CPXM2: variants seen among roughly 807,000 people sequenced by gnomAD.
The protein encoded by CPXM2 is inactive carboxypeptidase-like protein X2.
CPXM2 carries 66 observed loss-of-function variants against 86.1 expected under a neutral mutation model. That is an observed-to-expected ratio of 0.77 (90% CI 0.63 to 0.94). CPXM2 has a LOEUF of 0.94. Among genes scored for constraint, CPXM2 ranks in the 40% least tolerant of loss-of-function variants. The pLI is 0.00. For synonymous variants in CPXM2, 388 were observed against 400.2 expected (o/e 0.97, Z 0.36); for missense variants, 948 against 1,026.3 (o/e 0.92, Z 1.04).
intron 2 of CPXM2, chr10:123,914,208 G>T (rs1945515509): frequency 2.5e-6 from 1 of 400,330 alleles, no homozygotes; most frequent in South Asian, 1.9e-5. Flanking sequence ...CTAACCATGA[G>T]TCTACTTCTT....
intron 11 of CPXM2, 144 bp downstream of exon 11, chr10:123,761,725 GGAA>G: frequency 1.4e-6 from 1 of 715,622 alleles, no homozygotes; most frequent in Admixed American, 2.8e-5. Flanking sequence ...GTTGTGCTTA[GGAA>G]AGTGCTGGCA....
chr10:123,757,348 C>G lies in CPXM2; in HGVS notation c.1782G>C (p.Leu594=). Residue 594 remains leucine, a synonymous_variant, in exon 12 of 14, where the codon CTG becomes CTC. Transcript: ENST00000241305. ...GASWHTVAGS[L]NDFSYLHTNC... is the part of the protein sequence containing the mutation. ...TTGTATGAAGGTAGCTGAAATCGTT[C>G]AGACCTGCCAAGCCAACCGGACAAC... The G allele has an allele frequency of 6.2e-7, 1 of 1,612,874 alleles. No homozygotes were observed. Among genetic ancestry groups the G allele is most frequent in the Non-Finnish European group, 8.5e-7 (1 of 1,178,948 alleles).
At chr10:123,811,682 A>G (rs1350386859) in intron 4 of CPXM2, among the ~76,000 whole-genome samples, 1 of 152,238 alleles carries the variant, frequency 6.6e-6, no homozygotes, top group Non-Finnish European at 1.5e-5. Context: ...TATTTTGAGC[A>G]TATTTAGCTG....
chr10:123,873,856 CTTTTTTTTTTTT>C (rs56223052), intron 2 of CPXM2, among the ~76,000 whole-genome samples: 1 of 105,286 alleles, frequency 9.5e-6, no homozygotes, highest in Admixed American at 9.9e-5. Context: ...TCTCACATTT[CTTTTTTTTTTTT>C]TTTTTTTTTG....
intron 2 of CPXM2, among the ~76,000 whole-genome samples, chr10:123,904,710 A>G (rs1945416609): frequency 6.6e-6 from 1 of 152,100 alleles, no homozygotes; most frequent in South Asian, 2.1e-4. Flanking sequence ...TCTGCTATTC[A>G]TGAATCTCCT....
At chr10:123,898,180 A>C (rs1235871789) in intron 2 of CPXM2, among the ~76,000 whole-genome samples, 1 of 152,264 alleles carries the variant, frequency 6.6e-6, no homozygotes, top group Non-Finnish European at 1.5e-5. Flanking sequence ...ATGACTTTGA[A>C]AATCTAATAA....
At chr10:123,761,669 G>A (rs1486488929) in intron 11 of CPXM2, among the ~76,000 whole-genome samples, 1 of 152,156 alleles carries the variant, frequency 6.6e-6, no homozygotes. Flanking sequence ...CCTCCTTTGA[G>A]CACTGGAAAG....
chr10:123,816,965 G>A (rs1847825674), intron 4 of CPXM2, among the ~76,000 whole-genome samples: 1 of 151,374 alleles, frequency 6.6e-6, no homozygotes, highest in Non-Finnish European at 1.5e-5. Context: ...GAATAAATTC[G>A]ACTAAAATTC....
intron 2 of CPXM2, among the ~76,000 whole-genome samples, chr10:123,905,242 G>A (rs75385713): frequency 0.034 from 5,120 of 152,312 alleles, 264 homozygotes; most frequent in African/African-American, 0.11. Flanking sequence ...CCTGGGAGCC[G>A]GGCCATTTGC....
At chr10:123,860,792 TA>T (rs1378514260) in intron 3 of CPXM2, among the ~76,000 whole-genome samples, 3 of 152,158 alleles carry the variant, frequency 2.0e-5, no homozygotes, top group Non-Finnish European at 4.4e-5. Context: ...TCATCCCTCA[TA>T]AAACATAAGA....
intron 1 of CPXM2, among the ~76,000 whole-genome samples, chr10:123,884,268 C>T (rs932729726): frequency 6.6e-6 from 1 of 152,168 alleles, no homozygotes; most frequent in Non-Finnish European, 1.5e-5. Context: ...CTCTGGGGCT[C>T]CCCAGAATTG....
chr10:123,747,760 C>T (rs138664669), intron 13 of CPXM2, among the ~76,000 whole-genome samples: 1 of 152,006 alleles, frequency 6.6e-6, no homozygotes, highest in East Asian at 1.9e-4. Flanking sequence ...TGCCTGTAAT[C>T]TCAGCACTTT....
At chr10:123,802,659 T>C (rs1323401844) in intron 4 of CPXM2, among the ~76,000 whole-genome samples, 1 of 152,208 alleles carries the variant, frequency 6.6e-6, no homozygotes, top group African/African-American at 2.4e-5. Context: ...CTGTTTGGTG[T>C]ATAATTAGGA....
intron 13 of CPXM2, chr10:123,751,835 T>C: frequency 3.0e-6 from 3 of 985,344 alleles, no homozygotes; most frequent in Non-Finnish European, 2.4e-6. Flanking sequence ...TTATCTGTCA[T>C]GAGAATACAC....
chr10:123,792,838 T>C (rs953816173), intron 6 of CPXM2, among the ~76,000 whole-genome samples: 5 of 152,136 alleles, frequency 3.3e-5, no homozygotes, highest in Admixed American at 3.3e-4. Context: ...CAAATCGGCA[T>C]CAGTGGAGAC....
At chr10:123,937,400 C>A (rs1165223206) in intron 2 of CPXM2, among the ~76,000 whole-genome samples, 1 of 151,928 alleles carries the variant, frequency 6.6e-6, no homozygotes, top group Non-Finnish European at 1.5e-5. Context: ...CAGGACCCCC[C>A]ACCCCAAATG....
At chr10:123,762,263 T>C in intron 10 of CPXM2, 94 bp from the exon 11 acceptor site, 1 of 1,542,446 alleles carries the variant, frequency 6.5e-7, no homozygotes, top group Non-Finnish European at 8.9e-7. Context: ...AGCAGTGCTT[T>C]TGTGGAATAA....
At chr10:123,806,918 A>G (rs994506492) in intron 4 of CPXM2, among the ~76,000 whole-genome samples, 8 of 152,170 alleles carry the variant, frequency 5.3e-5, no homozygotes, top group African/African-American at 1.9e-4. Flanking sequence ...GCAGGGACAC[A>G]GAGCCAAACC....
At chr10:123,848,562 ATAC>A (rs1418435296) in intron 3 of CPXM2, among the ~76,000 whole-genome samples, 2 of 152,254 alleles carry the variant, frequency 1.3e-5, no homozygotes, top group Non-Finnish European at 1.5e-5. Flanking sequence ...ATGAAGAAAT[ATAC>A]TAACTGAAAA....
Sources: gnomAD v4.1 joint callset for allele counts (sites outside exome capture counted in the v4.1 genomes callset) on GRCh38, gnomAD v4.1.1 for gene constraint, MANE v1.5 for transcripts, NCBI Gene and HGNC (gene_info 2026-07-23, HGNC 2026-07-21) for gene names.